SLC71A2: variants seen among roughly 807,000 people sequenced by gnomAD.
The protein encoded by SLC71A2 is hippocampus abundant transcript-like 1.
chr9:94,436,667 C>T, the SLC71A2 span, among the ~76,000 whole-genome samples: 44 of 152,190 alleles, frequency 2.9e-4, 1 homozygote, highest in South Asian at 8.9e-3. Flanking sequence ...TTTCCCCAGA[C>T]AATGAAGCTG....
chr9:94,450,679 C>CG, the SLC71A2 span, among the ~76,000 whole-genome samples: 2 of 151,554 alleles, frequency 1.3e-5, no homozygotes, highest in African/African-American at 2.4e-5. Context: ...TTAGTAGAGA[C>CG]GGGGTGTCGC....
chr9:94,419,378 C>T, the SLC71A2 span, among the ~76,000 whole-genome samples: 1 of 150,470 alleles, frequency 6.6e-6, no homozygotes, highest in South Asian at 2.1e-4. Flanking sequence ...ACTGCAACTT[C>T]CGCCTCCTGG....
chr9:94,400,801 G>A, the SLC71A2 span, among the ~76,000 whole-genome samples: 5 of 152,240 alleles, frequency 3.3e-5, no homozygotes, highest in East Asian at 5.8e-4. Context: ...GCGTGGTGCC[G>A]TTTACCTATC....
At chr9:94,393,741 G>A in the SLC71A2 span, among the ~76,000 whole-genome samples, 1 of 147,230 alleles carries the variant, frequency 6.8e-6, no homozygotes, top group Non-Finnish European at 1.5e-5. Flanking sequence ...TTAGGGCCCC[G>A]CATAATATCT....
the SLC71A2 span, among the ~76,000 whole-genome samples, chr9:94,397,285 A>G: frequency 6.6e-6 from 1 of 152,128 alleles, no homozygotes; most frequent in Admixed American, 6.6e-5. Context: ...CATTTGTCAA[A>G]ATTAATGAGC....
chr9:94,377,498 T>G, the SLC71A2 span, among the ~76,000 whole-genome samples: 822 of 148,146 alleles, frequency 5.5e-3, 4 homozygotes, highest in African/African-American at 0.019. Flanking sequence ...GCCTCCTGAG[T>G]AGCTGGGACA....
At chr9:94,437,265 CAAAAG>C in the SLC71A2 span, among the ~76,000 whole-genome samples, 2 of 139,266 alleles carry the variant, frequency 1.4e-5, no homozygotes, top group Non-Finnish European at 3.1e-5. Flanking sequence ...TTCAGATACA[CAAAAG>C]AATAGTGTGA....
chr9:94,440,068 TATCC>T, the SLC71A2 span, among the ~76,000 whole-genome samples: 1 of 152,232 alleles, frequency 6.6e-6, no homozygotes, highest in Admixed American at 6.5e-5. Context: ...ATTCCTATTG[TATCC>T]ACAGATTTTT....
chr9:94,404,642 C>G, the SLC71A2 span, among the ~76,000 whole-genome samples: 2 of 152,106 alleles, frequency 1.3e-5, no homozygotes, highest in African/African-American at 4.8e-5. Flanking sequence ...TTGTGTATCT[C>G]TTTTAGAGAG....
the SLC71A2 span, among the ~76,000 whole-genome samples, chr9:94,386,683 G>C: frequency 6.6e-6 from 1 of 151,904 alleles, no homozygotes; most frequent in East Asian, 1.9e-4. Flanking sequence ...GGCTTTGTCT[G>C]GGTTCTTCCT....
the SLC71A2 span, among the ~76,000 whole-genome samples, chr9:94,425,101 C>A: frequency 3.3e-5 from 5 of 151,614 alleles, no homozygotes; most frequent in Non-Finnish European, 7.4e-5. Context: ...GTAATGACAT[C>A]TGTTTCCCTA....
chr9:94,383,725 G>A, the SLC71A2 span, among the ~76,000 whole-genome samples: 3 of 152,032 alleles, frequency 2.0e-5, no homozygotes, highest in Admixed American at 6.5e-5. Flanking sequence ...TTCTTTTGCC[G>A]TGAAGATCTG....
chr9:94,451,702 C>CT, the SLC71A2 span, among the ~76,000 whole-genome samples: 1 of 152,192 alleles, frequency 6.6e-6, no homozygotes, highest in African/African-American at 2.4e-5. Flanking sequence ...GATCAAGAAA[C>CT]TGATGTGAAT....
chr9:94,379,133 C>G, the SLC71A2 span, among the ~76,000 whole-genome samples: 1 of 143,978 alleles, frequency 6.9e-6, no homozygotes, highest in Non-Finnish European at 1.5e-5. Flanking sequence ...GTTGCCCAGG[C>G]TGGAGTGCAA....
At chr9:94,385,822 T>C in the SLC71A2 span, among the ~76,000 whole-genome samples, 1 of 152,056 alleles carries the variant, frequency 6.6e-6, no homozygotes, top group East Asian at 1.9e-4. Context: ...TTTGGCTGTT[T>C]GGTGTTCTTT....
chr9:94,414,853 T>G, the SLC71A2 span, among the ~76,000 whole-genome samples: 11 of 151,958 alleles, frequency 7.2e-5, no homozygotes, highest in Admixed American at 7.2e-4. Context: ...AGAGGTGGGG[T>G]TTCACTATGT....
At chr9:94,454,529 G>A in the SLC71A2 span, among the ~76,000 whole-genome samples, 4 of 144,374 alleles carry the variant, frequency 2.8e-5, no homozygotes, top group African/African-American at 8.7e-5. Flanking sequence ...CACACGCCCG[G>A]CTAATTTTTG....
chr9:94,441,556 T>G, the SLC71A2 span, among the ~76,000 whole-genome samples: 3 of 152,324 alleles, frequency 2.0e-5, no homozygotes, highest in East Asian at 3.9e-4. Flanking sequence ...CAATTGAACA[T>G]TTGAATTTTT....
the SLC71A2 span, chr9:94,458,335 G>C: frequency 1.2e-6 from 2 of 1,608,304 alleles, no homozygotes; most frequent in Non-Finnish European, 1.7e-6. Context: ...TTGCCCAGGG[G>C]ATCATAACTG....
Sources: gnomAD v4.1 joint callset for allele counts (sites outside exome capture counted in the v4.1 genomes callset) on GRCh38, gnomAD v4.1.1 for gene constraint, MANE v1.5 for transcripts, NCBI Gene and HGNC (gene_info 2026-07-23, HGNC 2026-07-21) for gene names.